RELN: variants seen among roughly 807,000 people sequenced by gnomAD.
The protein encoded by RELN is reelin.
In RELN, 108 loss-of-function variants were observed where a neutral mutation model predicts 427.6. The observed-to-expected ratio is 0.25, with a 90% CI of 0.22 to 0.30. The LOEUF (loss-of-function observed/expected upper bound fraction) is 0.30, where lower values mean the gene tolerates loss of function less well. RELN is among the 10% of genes least tolerant of loss of function. The probability of loss-of-function intolerance (pLI) is 1.00; values close to 1 mark genes in which losing one functional copy is unlikely to be tolerated. For synonymous variants in RELN, 1,524 were observed against 1,513.4 expected, an observed-to-expected ratio of 1.01 and a Z score of -0.16; for missense variants, 3,715 against 4,302.8, an observed-to-expected ratio of 0.86 and a Z score of 3.82.
At chr7:103,498,299 A>C in intron 53 of RELN, 47 bp from the exon 54 acceptor site, 1 of 1,529,862 alleles carries the variant, frequency 6.5e-7, no homozygotes, top group Non-Finnish European at 9.1e-7. Context: ...AATTTCAGAT[A>C]ACTATGGAAT....
chr7:103,791,896 T>C (rs1370510126), intron 3 of RELN, among the ~76,000 whole-genome samples: 1 of 151,780 alleles, frequency 6.6e-6, no homozygotes, highest in East Asian at 1.9e-4. Flanking sequence ...AATAAGTAAC[T>C]CAATTTAAAA....
At chr7:103,630,982 G>A (rs1832450298) in intron 19 of RELN, among the ~76,000 whole-genome samples, 1 of 151,232 alleles carries the variant, frequency 6.6e-6, no homozygotes, top group East Asian at 1.9e-4. Context: ...AATTTACTGA[G>A]AAACTGGATT....
intron 6 of RELN, among the ~76,000 whole-genome samples, chr7:103,730,675 C>T (rs997530600): frequency 1.3e-5 from 2 of 152,068 alleles, no homozygotes; most frequent in African/African-American, 4.8e-5. Flanking sequence ...CAGATATTAC[C>T]CACTGTGTGG....
chr7:103,486,509 G>T, intron 60 of RELN, 93 bp from the exon 61 acceptor site: 7 of 879,838 alleles, frequency 8.0e-6, no homozygotes, highest in East Asian at 3.0e-5. Context: ...TTAAGTAGTT[G>T]TTACTGTAAG....
intron 1 of RELN, among the ~76,000 whole-genome samples, chr7:103,971,056 G>T (rs2116816379): frequency 6.6e-6 from 1 of 151,834 alleles, no homozygotes; most frequent in East Asian, 1.9e-4. Flanking sequence ...GGAGGCTGAG[G>T]CAAGAGAATC....
intron 2 of RELN, among the ~76,000 whole-genome samples, chr7:103,850,389 T>C (rs1793793769): frequency 6.6e-6 from 1 of 152,130 alleles, no homozygotes; most frequent in Admixed American, 6.5e-5. Flanking sequence ...CTGAGTCAAG[T>C]TAAAATGCCA....
chr7:103,525,833 A>C (rs1829812181), intron 46 of RELN, among the ~76,000 whole-genome samples: 2 of 152,154 alleles, frequency 1.3e-5, no homozygotes, highest in Non-Finnish European at 2.9e-5. Flanking sequence ...AATATCTTAC[A>C]CATACTTCAC....
At chr7:103,985,083 C>T (rs1229226879) in intron 1 of RELN, among the ~76,000 whole-genome samples, 2 of 152,106 alleles carry the variant, frequency 1.3e-5, no homozygotes, top group Non-Finnish European at 2.9e-5. Flanking sequence ...CCTGATTATA[C>T]CTTTCTTTTA....
Position 103,611,538 on chromosome 7 carries a change from T to TTTG in RELN, c.2895+72_2895+73insCAA, listed in dbSNP as rs1831956415. 4.0e-6 allele frequency: 4 copies of TTTG among 997,848 alleles called. No individual in the cohort carries two copies. In the East Asian group the frequency reaches 1.1e-4, roughly 28 times the overall value. The allele number at this position is 997,848 out of a possible 1,614,324, so 61.8% of individuals were successfully genotyped here. On this transcript the variant is annotated intron_variant, in intron 21 of 64. Coordinates refer to ENST00000428762, the MANE Select transcript of RELN (RefSeq NM_005045.4). ...AAACCTAAACTTCTAGAACTGTAAT[T>TTTG]TTTTTTTTTTTTGGCTTCCTAGGTA... is the stretch of plus-strand genomic sequence containing the variant.
Position 103,545,152 on chromosome 7 carries a change from A to G in RELN, c.6495T>C (p.Asn2165=). The G allele has an allele frequency of 1.9e-6, 3 of 1,613,920 alleles. No homozygotes were observed. The highest frequency in any genetic ancestry group is 2.5e-6 in the Non-Finnish European group (3 of 1,180,004). ...CGAAATCATCTTTGAGAAAATCAGG[A>G]TTTTTGGTGCTTATTTTACAGGTTG... ...SGPTCKISTK[N]PDFLKDDFEG... is the part of the protein sequence containing the mutation. Residue 2165 remains asparagine, a synonymous_variant, in exon 42 of 65, where the codon AAT becomes AAC. Coordinates refer to ENST00000428762, the MANE Select transcript of RELN (RefSeq NM_005045.4).
chr7:103,773,101 T>TCC (rs1337124546), intron 4 of RELN, among the ~76,000 whole-genome samples: 117 of 6,056 alleles, frequency 0.019, no homozygotes, highest in African/African-American at 0.047. Context: ...GTTCTCCTCT[T>TCC]TTCTTTCTTT....
intron 3 of RELN, among the ~76,000 whole-genome samples, chr7:103,810,468 T>C (rs1295854395): frequency 6.6e-6 from 1 of 152,194 alleles, no homozygotes; most frequent in Admixed American, 6.5e-5. Flanking sequence ...GACATTTGTG[T>C]CAGTTTCTTG....
rs1465720097 is a variant in RELN at position 103,603,455 on chromosome 7, G to A, written c.3182C>T (p.Pro1061Leu). 6.2e-7 allele frequency: 1 copy of A among 1,613,920 alleles called. No homozygotes were observed. Among genetic ancestry groups the A allele is most frequent in the South Asian group, 1.1e-5 (1 of 91,082 alleles). The change falls in exon 24 of 65, where the codon CCA becomes CTA. Residue 1061 changes from proline (P) to leucine (L), a missense_variant. This residue lies in a region of RELN where 2,208 missense variants were observed against 2,361.7 expected (regional missense o/e 0.93). Coordinates refer to ENST00000428762, the MANE Select transcript of RELN (RefSeq NM_005045.4). The surrounding 1 kb of genome is among the most constrained non-coding windows in gnomAD (Gnocchi z 4.3). ...DQGYQGTECHPEAALPSTIMS... is the reference protein window; with the variant it reads ...DQGYQGTECHLEAALPSTIMS... ...AATTGTGGACGGAAGGGCAGCTTCT[G>A]GGTGGCATTCAGTGCCTTGGTACCC...
At position 103,515,116 on chromosome 7, in the gene RELN, T is replaced by C; in HGVS notation, c.8119+69A>G. On this transcript the variant is annotated intron_variant, in intron 50 of 64. Transcript: ENST00000428762. ...TGAAAAGGTTCCATATTTTGCTCTT[T>C]TGAAAAGACCCAAATCCAAACCACT... 4 of 1,607,108 alleles carry C rather than the reference T, an allele frequency of 2.5e-6. No individual in the cohort carries two copies. The South Asian group carries it at 3.3e-5, about 13-fold the overall frequency.
intron 8 of RELN, among the ~76,000 whole-genome samples, chr7:103,711,937 G>A (rs577621948): frequency 3.9e-5 from 6 of 152,246 alleles, no homozygotes; most frequent in African/African-American, 1.2e-4. Flanking sequence ...GGGATTACAG[G>A]TGTGAGCCAC....
At chr7:103,980,012 T>G (rs1796958587) in intron 1 of RELN, among the ~76,000 whole-genome samples, 1 of 151,890 alleles carries the variant, frequency 6.6e-6, no homozygotes, top group South Asian at 2.1e-4. Flanking sequence ...AAATACAAAA[T>G]TAGCTGGGTG....
rs781465325 is a variant in RELN at position 103,566,699 on chromosome 7, T to A, written c.4649A>T (p.Asp1550Val). 14 of 1,613,980 alleles carry A rather than the reference T, an allele frequency of 8.7e-6. No individual in the cohort carries two copies. Among genetic ancestry groups the A allele is most frequent in the Middle Eastern group, 1.6e-4 (1 of 6,084 alleles). ...GILWHLLREL[D>V]FMSFLEPQII... is the part of the protein sequence containing the mutation. The stretch of plus-strand genomic sequence containing the variant: ...CTGTGGTTCCAGGAAGGACATGAAG[T>A]CCAACTCTCGAAGCAAATGCCAGAG... The change falls in exon 32 of 65, where the codon GAC becomes GTC. Residue 1550 changes from aspartate to valine, a missense_variant. Asp to Val is a radical substitution (Grantham distance 152, BLOSUM62 -3). Transcript: ENST00000428762.
intron 2 of RELN, among the ~76,000 whole-genome samples, chr7:103,852,524 A>G (rs1376548096): frequency 6.6e-6 from 1 of 152,164 alleles, no homozygotes; most frequent in Non-Finnish European, 1.5e-5. Context: ...TGTCTAGCAC[A>G]TAGAAAGTAC....
At chr7:103,950,792 A>C (rs1241143981) in intron 1 of RELN, among the ~76,000 whole-genome samples, 1 of 152,214 alleles carries the variant, frequency 6.6e-6, no homozygotes, top group Non-Finnish European at 1.5e-5. Flanking sequence ...TAACACCATG[A>C]TCTATTCCCC....
Sources: allele counts gnomAD v4.1 joint callset (sites outside exome capture counted in the v4.1 genomes callset), GRCh38; gene constraint gnomAD v4.1.1; regional missense constraint gnomAD v4.1.1; non-coding constraint Gnocchi (gnomAD v3.1); transcripts MANE v1.5; gene names NCBI Gene and HGNC (gene_info 2026-07-23, HGNC 2026-07-21).